Variants in PHF24 observed in about 807,000 individuals in gnomAD.
PHF24 encodes the protein Galpha inhibitory interacting protein.
A neutral mutation model predicts 42.6 loss-of-function variants in PHF24; 25 were observed. That is an observed-to-expected ratio of 0.59 (90% CI 0.43 to 0.82). The LOEUF (loss-of-function observed/expected upper bound fraction) is 0.82, where lower values mean the gene tolerates loss of function less well. Among genes scored for constraint, PHF24 ranks in the 40% least tolerant of loss-of-function variants. The pLI is 0.00. For missense variants in PHF24, 470 were observed against 538.1 expected (o/e 0.87, Z 1.25); for synonymous variants, 185 against 204.8 (o/e 0.90, Z 0.83).
the PHF24 span, among the ~76,000 whole-genome samples, chr9:34,930,821 T>C: frequency 6.6e-6 from 1 of 152,190 alleles, no homozygotes; most frequent in Admixed American, 6.5e-5. Flanking sequence ...CTTGTTTCAG[T>C]GTCTGAAGGG....
chr9:34,820,440 G>C, the PHF24 span, among the ~76,000 whole-genome samples: 35 of 152,122 alleles, frequency 2.3e-4, no homozygotes, highest in African/African-American at 8.4e-4. Context: ...TTGTGTCCAT[G>C]TGTACTCAAT....
the PHF24 span, among the ~76,000 whole-genome samples, chr9:34,675,500 C>T: frequency 1.3e-5 from 2 of 152,204 alleles, no homozygotes; most frequent in African/African-American, 4.8e-5. Context: ...TCTGGAGGGT[C>T]TCAGTCCAGC....
At chr9:34,889,681 C>G in the PHF24 span, 1 of 398,218 alleles carries the variant, frequency 2.5e-6, no homozygotes, top group Non-Finnish European at 4.4e-6. Flanking sequence ...CTTACCAGAC[C>G]CTGCAACTCT....
At chr9:34,728,661 A>C in the PHF24 span, 1 of 1,551,518 alleles carries the variant, frequency 6.4e-7, no homozygotes, top group South Asian at 1.2e-5. Flanking sequence ...GACACTTAGA[A>C]GACAAAAACA....
the PHF24 span, among the ~76,000 whole-genome samples, chr9:34,897,980 C>T: frequency 6.6e-6 from 1 of 152,180 alleles, no homozygotes; most frequent in Admixed American, 6.6e-5. Flanking sequence ...CAATCTCATC[C>T]AGGTCGCTGC....
the PHF24 span, among the ~76,000 whole-genome samples, chr9:34,790,141 C>A: frequency 6.6e-6 from 1 of 152,142 alleles, no homozygotes; most frequent in African/African-American, 2.4e-5. Flanking sequence ...GCCATTGCAC[C>A]CAGCCAAGAC....
At chr9:34,896,554 A>C in the PHF24 span, among the ~76,000 whole-genome samples, 2 of 152,144 alleles carry the variant, frequency 1.3e-5, no homozygotes, top group African/African-American at 2.4e-5. Flanking sequence ...CTATTCATGG[A>C]GATGAGTTAT....
chr9:34,833,263 C>T, the PHF24 span: 1 of 1,550,894 alleles, frequency 6.4e-7, no homozygotes, highest in South Asian at 1.2e-5. Context: ...TCACACTGGC[C>T]TCTACCTGAA....
the PHF24 span, chr9:34,895,580 C>T: frequency 1.8e-5 from 7 of 398,590 alleles, no homozygotes; most frequent in African/African-American, 6.2e-5. Context: ...TTTCCCTACC[C>T]GGCAACAGCT....
At chr9:34,976,812 T>G in intron 5 of PHF24, 72 bp downstream of exon 5, 1 of 1,357,402 alleles carries the variant, frequency 7.4e-7, no homozygotes, top group Non-Finnish European at 1.0e-6. Flanking sequence ...CTGGGCAGAT[T>G]GGGGGAGCAC....
the PHF24 span, among the ~76,000 whole-genome samples, chr9:34,838,108 AG>A: frequency 2.0e-5 from 3 of 152,240 alleles, no homozygotes; most frequent in African/African-American, 7.2e-5. Context: ...CATATCATCT[AG>A]GTCTCTATTC....
At chr9:34,915,333 T>C in the PHF24 span, among the ~76,000 whole-genome samples, 1 of 152,124 alleles carries the variant, frequency 6.6e-6, no homozygotes, top group African/African-American at 2.4e-5. Flanking sequence ...AGCATGTCTT[T>C]CCAAGTCTTC....
the PHF24 span, among the ~76,000 whole-genome samples, chr9:34,764,250 T>C: frequency 6.6e-6 from 1 of 152,140 alleles, no homozygotes; most frequent in Non-Finnish European, 1.5e-5. Flanking sequence ...TTTCTGTTGA[T>C]TGGAATAGTT....
At chr9:34,682,150 A>ATTTTTTTTTT in the PHF24 span, among the ~76,000 whole-genome samples, 40 of 93,062 alleles carry the variant, frequency 4.3e-4, no homozygotes, top group Non-Finnish European at 5.8e-4. Flanking sequence ...AATTATTTCT[A>ATTTTTTTTTT]TTTTTTTTTT....
the PHF24 span, among the ~76,000 whole-genome samples, chr9:34,799,609 G>A: frequency 6.6e-6 from 1 of 152,106 alleles, no homozygotes; most frequent in South Asian, 2.1e-4. Flanking sequence ...TTCAATCAGA[G>A]TTCTAATTTC....
At chr9:34,948,308 A>G in the PHF24 span, among the ~76,000 whole-genome samples, 2 of 152,160 alleles carry the variant, frequency 1.3e-5, no homozygotes, top group Admixed American at 1.3e-4. Flanking sequence ...TTGAAGAAAG[A>G]AAAACATTAA....
chr9:34,882,118 A>T, the PHF24 span, among the ~76,000 whole-genome samples: 63 of 152,228 alleles, frequency 4.1e-4, no homozygotes, highest in Non-Finnish European at 7.1e-4. Context: ...AAACCACATG[A>T]TTATCTCAAT....
chr9:34,688,221 C>T, the PHF24 span, among the ~76,000 whole-genome samples: 2 of 152,158 alleles, frequency 1.3e-5, no homozygotes, highest in Non-Finnish European at 2.9e-5. Context: ...GATATAATGA[C>T]ACCTCTCTTC....
At chr9:34,872,222 A>ATACTT in the PHF24 span, among the ~76,000 whole-genome samples, 2 of 151,000 alleles carry the variant, frequency 1.3e-5, no homozygotes, top group Non-Finnish European at 3.0e-5. Context: ...TTTTATTATT[A>ATACTT]TACTTTAAGT....
Sources: allele counts gnomAD v4.1 joint callset (sites outside exome capture counted in the v4.1 genomes callset), GRCh38; gene constraint gnomAD v4.1.1; transcripts MANE v1.5; gene names NCBI Gene and HGNC (gene_info 2026-07-23, HGNC 2026-07-21).